The following BCKDHB variants were observed in gnomAD, a reference collection of about 807,000 sequenced individuals.
BCKDHB encodes the protein 2-oxoisovalerate dehydrogenase subunit beta, mitochondrial.
A neutral mutation model predicts 48.5 loss-of-function variants in BCKDHB; 41 were observed. The observed-to-expected ratio is 0.85, with a 90% CI of 0.66 to 1.10. BCKDHB has a LOEUF of 1.10. Among genes scored for constraint, BCKDHB ranks in the 50% least tolerant of loss-of-function variants. BCKDHB has a pLI of 0.00. For synonymous variants in BCKDHB, 201 were observed against 174.8 expected (o/e 1.15, Z -1.18); for missense variants, 496 against 494.2 (o/e 1.00, Z -0.03).
At chr6:80,109,795 G>T (rs1278708731) in intron 1 of BCKDHB, among the ~76,000 whole-genome samples, 1 of 152,120 alleles carries the variant, frequency 6.6e-6, no homozygotes, top group Non-Finnish European at 1.5e-5. Context: ...TTAGACATCA[G>T]TTTATAATCC....
chr6:80,179,436 G>A (rs1336520227), intron 6 of BCKDHB, among the ~76,000 whole-genome samples: 1 of 151,964 alleles, frequency 6.6e-6, no homozygotes, highest in Non-Finnish European at 1.5e-5. Flanking sequence ...ATACAGTATA[G>A]CAGCCATTTA....
chr6:80,331,495 A>G (rs911399059), intron 9 of BCKDHB, among the ~76,000 whole-genome samples: 1 of 152,220 alleles, frequency 6.6e-6, no homozygotes, highest in Non-Finnish European at 1.5e-5. Context: ...ATGTTGATCC[A>G]ATAAATTTAT....
chr6:80,112,723 C>G (rs1286201853), intron 1 of BCKDHB, among the ~76,000 whole-genome samples: 1 of 152,204 alleles, frequency 6.6e-6, no homozygotes, highest in East Asian at 1.9e-4. Context: ...GAGGGCGTCC[C>G]CTTTGGAGAG....
intron 8 of BCKDHB, among the ~76,000 whole-genome samples, chr6:80,257,469 A>T (rs1159411735): frequency 4.0e-5 from 6 of 150,388 alleles, no homozygotes; most frequent in African/African-American, 1.5e-4. Context: ...TATTCTAATA[A>T]ATAATGTAAC....
At chr6:80,312,037 T>C (rs968325050) in intron 9 of BCKDHB, among the ~76,000 whole-genome samples, 1 of 152,256 alleles carries the variant, frequency 6.6e-6, no homozygotes, top group African/African-American at 2.4e-5. Context: ...ATTTTAATGA[T>C]ATCAGTTCTT....
At chr6:80,448,386 A>T in the BCKDHB span, among the ~76,000 whole-genome samples, 131,986 of 152,158 alleles carry the variant, frequency 0.87, 57,879 homozygotes, top group East Asian at 0.95. Context: ...AAGTTTTTGG[A>T]TGCTATGTGA....
chr6:80,188,396 T>C (rs1183838008), intron 6 of BCKDHB, among the ~76,000 whole-genome samples: 2 of 152,036 alleles, frequency 1.3e-5, no homozygotes, highest in Admixed American at 6.6e-5. Context: ...GAATAATACC[T>C]ATCACTGAGG....
chr6:80,405,767 G>T, the BCKDHB span, among the ~76,000 whole-genome samples: 2 of 152,092 alleles, frequency 1.3e-5, no homozygotes, highest in South Asian at 2.1e-4. Flanking sequence ...CTTATTTTAG[G>T]TTGATAACAA....
intron 5 of BCKDHB, among the ~76,000 whole-genome samples, chr6:80,170,154 G>A (rs1179354440): frequency 6.6e-6 from 1 of 151,972 alleles, no homozygotes; most frequent in Non-Finnish European, 1.5e-5. Flanking sequence ...AAGACATTGT[G>A]TGATATGGTT....
At chr6:80,117,627 G>A (rs1335062535) in intron 1 of BCKDHB, among the ~76,000 whole-genome samples, 2 of 152,210 alleles carry the variant, frequency 1.3e-5, no homozygotes, top group Non-Finnish European at 2.9e-5. Context: ...CCCACCCAGG[G>A]CGGAAAACCG....
the BCKDHB span, among the ~76,000 whole-genome samples, chr6:80,395,655 T>C: frequency 6.6e-6 from 1 of 152,242 alleles, no homozygotes. Context: ...CAAGGTCTTC[T>C]GCAGAAATTT....
the BCKDHB span, among the ~76,000 whole-genome samples, chr6:80,406,174 C>T: frequency 4.1e-4 from 62 of 152,298 alleles, no homozygotes; most frequent in African/African-American, 1.3e-3. Flanking sequence ...TTCATGGCTG[C>T]GTAGTATTCC....
At chr6:80,262,907 ATAGTCC>A (rs1274437365) in intron 8 of BCKDHB, among the ~76,000 whole-genome samples, 1 of 152,192 alleles carries the variant, frequency 6.6e-6, no homozygotes, top group Non-Finnish European at 1.5e-5. Flanking sequence ...TGTTACTGTT[ATAGTCC>A]TTGTCAATGA....
At chr6:80,382,823 A>G in the BCKDHB span, among the ~76,000 whole-genome samples, 1 of 152,200 alleles carries the variant, frequency 6.6e-6, no homozygotes, top group South Asian at 2.1e-4. Flanking sequence ...TTTGTTCATG[A>G]GTTTATATTG....
intron 7 of BCKDHB, among the ~76,000 whole-genome samples, 192 bp from the exon 8 acceptor site, chr6:80,202,910 T>C (rs190691021): frequency 6.6e-6 from 1 of 152,236 alleles, no homozygotes; most frequent in Admixed American, 6.5e-5. Flanking sequence ...TCCATCTGTT[T>C]TCTAGACATC....
At chr6:80,451,042 G>A in the BCKDHB span, among the ~76,000 whole-genome samples, 5 of 152,122 alleles carry the variant, frequency 3.3e-5, no homozygotes, top group Non-Finnish European at 5.9e-5. Flanking sequence ...ATTTTTTAGA[G>A]ACTTCTTGTA....
intron 8 of BCKDHB, among the ~76,000 whole-genome samples, chr6:80,260,149 TGGC>T (rs1265704307): frequency 1.3e-5 from 2 of 152,146 alleles, no homozygotes; most frequent in Non-Finnish European, 2.9e-5. Flanking sequence ...GCTAGTTGCC[TGGC>T]CCAGCTGCCA....
the BCKDHB span, among the ~76,000 whole-genome samples, chr6:80,352,473 T>C: frequency 6.6e-6 from 1 of 152,144 alleles, no homozygotes; most frequent in Non-Finnish European, 1.5e-5. Context: ...CAGCCTGAAG[T>C]GTTCCATTCT....
At chr6:80,403,405 C>T in the BCKDHB span, among the ~76,000 whole-genome samples, 3 of 151,926 alleles carry the variant, frequency 2.0e-5, no homozygotes, top group East Asian at 3.9e-4. Flanking sequence ...CATATAGAAT[C>T]ATAACTGATT....
Sources: gnomAD v4.1 joint callset for allele counts (sites outside exome capture counted in the v4.1 genomes callset) on GRCh38, gnomAD v4.1.1 for gene constraint, MANE v1.5 for transcripts, NCBI Gene and HGNC (gene_info 2026-07-23, HGNC 2026-07-21) for gene names.